Variants in CACNA1S observed in about 807,000 individuals in gnomAD.
The protein encoded by CACNA1S is calcium voltage-gated channel subunit alpha1 S.
In CACNA1S, 126 loss-of-function variants were observed where a neutral mutation model predicts 207.4. That is an observed-to-expected ratio of 0.61 (90% CI 0.53 to 0.70). The LOEUF is 0.70. Among genes scored for constraint, CACNA1S ranks in the 30% least tolerant of loss-of-function variants. The pLI, the probability that CACNA1S is intolerant of heterozygous loss-of-function variation, is 0.00. For missense variants in CACNA1S, 2,349 were observed against 2,422.8 expected (o/e 0.97, Z 0.64); for synonymous variants, 960 against 932.7 (o/e 1.03, Z -0.53).
intron 23 of CACNA1S, 66 bp downstream of exon 23, chr1:201,062,396 C>T (rs912398225): frequency 2.0e-6 from 3 of 1,489,312 alleles, no homozygotes; most frequent in African/African-American, 1.4e-5. Flanking sequence ...GTGCTCCCTG[C>T]CCCGTGACTG....
At chr1:201,109,371 T>A (rs1004076829) in intron 2 of CACNA1S, among the ~76,000 whole-genome samples, 1 of 152,234 alleles carries the variant, frequency 6.6e-6, no homozygotes, top group African/African-American at 2.4e-5. Flanking sequence ...CTTTGTCTTT[T>A]AAATGGGTCT....
rs762768883 is a variant in CACNA1S, at chr1:201,059,274, T to C, written c.3440A>G (p.Asn1147Ser). The C allele has an allele frequency of 2.4e-5, 39 of 1,613,438 alleles. No homozygotes were observed. Among genetic ancestry groups the C allele is most frequent in the Non-Finnish European group, 3.3e-5 (39 of 1,179,534 alleles). The change falls in exon 27 of 44, where the codon AAC (asparagine) becomes AGC (serine). Residue 1147 changes from asparagine (N) to serine (S), a missense_variant. Coordinates refer to ENST00000362061, the MANE Select transcript of CACNA1S (RefSeq NM_000069.3). Reference protein sequence around the residue: ...MQHYNQSEQMNHISDILNVAF... With the variant: ...MQHYNQSEQMSHISDILNVAF... ...CACATTGAGGATGTCTGAGATGTGGTTCATCTGCTCCGACTGGTTGTAGTG... is the reference window on the plus strand; with the variant it reads ...CACATTGAGGATGTCTGAGATGTGGCTCATCTGCTCCGACTGGTTGTAGTG...
At chr1:201,101,017 A>G (rs1030162470) in intron 2 of CACNA1S, among the ~76,000 whole-genome samples, 1 of 151,776 alleles carries the variant, frequency 6.6e-6, no homozygotes, top group East Asian at 1.9e-4. Context: ...TAATGTCATA[A>G]TACAAGCTCA....
chr1:201,097,251 C>T (rs1238351475), intron 2 of CACNA1S, among the ~76,000 whole-genome samples: 1 of 152,214 alleles, frequency 6.6e-6, no homozygotes, highest in African/African-American at 2.4e-5. Flanking sequence ...GACCCGGCTA[C>T]TGCCTTGCTT....
At chr1:201,080,636 C>T (rs1661808903) in intron 10 of CACNA1S, among the ~76,000 whole-genome samples, 1 of 152,146 alleles carries the variant, frequency 6.6e-6, no homozygotes, top group Admixed American at 6.5e-5. Flanking sequence ...CTCCTTTGTA[C>T]TGTTCTATCA....
chr1:201,109,243 CA>C (rs56739161), intron 2 of CACNA1S, among the ~76,000 whole-genome samples: 2,234 of 118,458 alleles, frequency 0.019, 13 homozygotes, highest in Middle Eastern at 0.042. Flanking sequence ...GACTCTGTCT[CA>C]AAAAAAAAAA....
At chr1:201,043,632 G>T in intron 39 of CACNA1S, 101 bp from the exon 40 acceptor site, 1 of 1,097,706 alleles carries the variant, frequency 9.1e-7, no homozygotes, top group Non-Finnish European at 1.4e-6. Context: ...AATAGTATTG[G>T]GAGACAAATC....
intron 6 of CACNA1S, 108 bp from the exon 7 acceptor site, chr1:201,088,037 G>T: frequency 1.3e-6 from 1 of 761,284 alleles, no homozygotes; most frequent in South Asian, 1.5e-5. Context: ...GAGAAGCCAC[G>T]CTGGGATATT....
chr1:201,081,440 ACTCGT>A (rs1661835926), intron 10 of CACNA1S, among the ~76,000 whole-genome samples: 1 of 151,998 alleles, frequency 6.6e-6, no homozygotes, highest in Non-Finnish European at 1.5e-5. Flanking sequence ...CTCGTATCCT[ACTCGT>A]CTCACGGTCC....
Position 201,066,170 on chromosome 1 carries a change from G to T in CACNA1S, c.2745+59C>A. 1 of 1,506,580 alleles carries T rather than the reference G, an allele frequency of 6.6e-7. No individual in the cohort carries two copies. Among genetic ancestry groups the T allele is most frequent in the Non-Finnish European group, 9.2e-7 (1 of 1,082,562 alleles). The allele number at this position is 1,506,580 out of a possible 1,614,324, so 93.3% of individuals were successfully genotyped here. A position where few individuals can be genotyped will look rare whatever the true frequency, so the allele number is the denominator to read the frequency against. On this transcript the variant is annotated intron_variant, in intron 21 of 43. Coordinates refer to ENST00000362061, the MANE Select transcript of CACNA1S (RefSeq NM_000069.3). The surrounding 1 kb of genome is among the most constrained non-coding windows in gnomAD (Gnocchi z 4.3). ...GGCTGGGCTGAGGTTTCTGGAGCGA[G>T]GAGGCCCCTGTAACCCCTCCCATTC... is the stretch of plus-strand genomic sequence containing the variant.
chr1:201,084,606 C>T (rs563790987), intron 9 of CACNA1S, among the ~76,000 whole-genome samples: 12 of 152,310 alleles, frequency 7.9e-5, no homozygotes, highest in African/African-American at 2.6e-4. Flanking sequence ...TTTCCCTCTT[C>T]CCTCGCAGAG....
chr1:201,093,232 G>A (rs949248158), intron 3 of CACNA1S, among the ~76,000 whole-genome samples: 1 of 152,202 alleles, frequency 6.6e-6, no homozygotes, highest in African/African-American at 2.4e-5. Context: ...AAGATGAAAC[G>A]AAGTTGTTAG....
intron 3 of CACNA1S, among the ~76,000 whole-genome samples, chr1:201,092,774 G>T (rs1032679068): frequency 6.6e-6 from 1 of 152,206 alleles, no homozygotes; most frequent in Non-Finnish European, 1.5e-5. Flanking sequence ...AAAAGGCAGA[G>T]GCAGATTCAC....
At chr1:201,059,504 C>T (rs905825623) in intron 26 of CACNA1S, among the ~76,000 whole-genome samples, 1 of 152,190 alleles carries the variant, frequency 6.6e-6, no homozygotes, top group African/African-American at 2.4e-5. Flanking sequence ...CTCCCCCTAC[C>T]CCACCACCAC....
Position 201,060,676 on chromosome 1 carries a change from G to A in CACNA1S, c.3396C>T (p.Thr1132=), listed in dbSNP as rs1186777443. 1.2e-6 allele frequency: 2 copies of A among 1,614,080 alleles called. No individual in the cohort carries two copies. The highest frequency in any genetic ancestry group is 1.7e-6 in the Non-Finnish European group (2 of 1,180,052). ...CCCTTACCTGCATGCCGAGGCAGATGGTGTTGAGCATGATGAGGGCAAACA... is the reference window on the plus strand; with the variant it reads ...CCCTTACCTGCATGCCGAGGCAGATAGTGTTGAGCATGATGAGGGCAAACA... ...YLMFALIMLN[T]ICLGMQHYNQ... Residue 1132 remains threonine, a synonymous_variant, in exon 26 of 44, where the codon ACC becomes ACT. Transcript: ENST00000362061.
chr1:201,091,848 C>T, intron 4 of CACNA1S, 56 bp from the exon 5 acceptor site: 2 of 1,594,342 alleles, frequency 1.3e-6, no homozygotes, highest in South Asian at 1.1e-5. Flanking sequence ...GGTCTCTTGG[C>T]CCTCCCTCCC....
chr1:201,062,540 G>C (rs749960178), intron 22 of CACNA1S, 26 bp from the exon 23 acceptor site: 2 of 1,294,518 alleles, frequency 1.5e-6, no homozygotes, highest in Admixed American at 1.7e-5. Context: ...GGGAGGGAGG[G>C]AGGGAGGCAT....
chr1:201,061,613 G>T (rs1005707189), intron 24 of CACNA1S, 145 bp from the exon 25 acceptor site: 45 of 796,356 alleles, frequency 5.7e-5, no homozygotes, highest in Non-Finnish European at 8.1e-5. Flanking sequence ...GAGTTAGGTC[G>T]GCGCCAGGAA....
chr1:201,046,171 TTTA>T (rs762712753), intron 38 of CACNA1S, among the ~76,000 whole-genome samples: 4,856 of 106,054 alleles, frequency 0.046, 220 homozygotes, highest in African/African-American at 0.19. Flanking sequence ...TATTTATTTA[TTTA>T]TTATTTATTT....
Sources: gnomAD v4.1 joint callset for allele counts (sites outside exome capture counted in the v4.1 genomes callset) on GRCh38, gnomAD v4.1.1 for gene constraint, Gnocchi (gnomAD v3.1) non-coding constraint, MANE v1.5 for transcripts, NCBI Gene and HGNC (gene_info 2026-07-23, HGNC 2026-07-21) for gene names.